ST3GAL4: variants seen among roughly 807,000 people sequenced by gnomAD.
The protein encoded by ST3GAL4 is CMP-N-acetylneuraminate-beta-galactosamide-alpha-2,3-sialyltransferase 4.
ST3GAL4 carries 24 observed loss-of-function variants against 42.6 expected under a neutral mutation model. That is an observed-to-expected ratio of 0.56 (90% confidence interval 0.41 to 0.79). The LOEUF (loss-of-function observed/expected upper bound fraction) is 0.79. Ranked by LOEUF, ST3GAL4 falls within the 30% of genes least tolerant of loss-of-function variation. The pLI, the probability that ST3GAL4 is intolerant of heterozygous loss-of-function variation, is 0.00. For synonymous variants in ST3GAL4, 135 were observed against 163.2 expected, an observed-to-expected ratio of 0.83 and a Z score of 1.32; for missense variants, 311 against 430.8, an observed-to-expected ratio of 0.72 and a Z score of 2.46.
chr11:126,405,979 G>A (rs893593585), intron 1 of ST3GAL4, 117 bp from the exon 2 acceptor site: 73 of 1,240,562 alleles, frequency 5.9e-5, no homozygotes, highest in African/African-American at 8.9e-5. Context: ...TTGCCCCAGG[G>A]AGCAGCTTCC....
In ST3GAL4 at chr11:126,409,450, G is replaced by C; in HGVS notation, c.771+39G>C. The C allele has an allele frequency of 6.2e-7, 1 of 1,613,798 alleles. No individual in the cohort carries two copies. Among genetic ancestry groups the C allele is most frequent in the Non-Finnish European group, 8.5e-7 (1 of 1,179,756 alleles). On this transcript the variant is annotated intron_variant, in intron 9 of 10. Coordinates refer to ENST00000444328, the MANE Select transcript of ST3GAL4 (RefSeq NM_001254757.2). This position sits in a 1 kb window ranked among gnomAD's most constrained non-coding sequence, Gnocchi z 4.9. ...GTCAGGCCTGAGGGCTAGGATCCTGGGCGGGAAGTAGGAGGGATGATCCTA... is the reference window on the plus strand; with the variant it reads ...GTCAGGCCTGAGGGCTAGGATCCTGCGCGGGAAGTAGGAGGGATGATCCTA...
chr11:126,381,140 C>T (rs1453254833), intron 1 of ST3GAL4, among the ~76,000 whole-genome samples: 1 of 152,210 alleles, frequency 6.6e-6, no homozygotes, highest in African/African-American at 2.4e-5. Context: ...GAGACCCTAG[C>T]TTTGCACTGT....
In ST3GAL4 at chr11:126,362,453, G is replaced by A. The variant is rs149514231; in HGVS notation, c.-61+6611G>A. Among the ~76,000 whole-genome samples the A allele has an allele frequency of 1.6e-3, 251 of 152,140 alleles. 2 individuals carry two copies. Among genetic ancestry groups the A allele is most frequent in the African/African-American group, 5.7e-3 (237 of 41,486 alleles). ...TGACCTCAAATGATCCACCTGCCTC[G>A]GCCTCCCAAAGTGTTGGGATTATAG... On this transcript the variant is annotated intron_variant, in intron 1 of 10. Transcript: ENST00000444328.
chr11:126,387,843 T>G (rs1953289658), intron 1 of ST3GAL4, among the ~76,000 whole-genome samples: 1 of 152,230 alleles, frequency 6.6e-6, no homozygotes, highest in Non-Finnish European at 1.5e-5. Flanking sequence ...TGGGTATGCA[T>G]GTAACTGTTT....
In ST3GAL4 at chr11:126,410,595, T is replaced by C. The variant is rs547225619; in HGVS notation, c.771+1184T>C. ...AGACCGGTACACAGGGCCTGCCCTT[T>C]AAATATTTGCCAGATTTTGAATAAA... On this transcript the variant is annotated intron_variant, in intron 9 of 10. Coordinates refer to ENST00000444328, the MANE Select transcript of ST3GAL4 (RefSeq NM_001254757.2). The surrounding 1 kb of genome is among the most constrained non-coding windows in gnomAD (Gnocchi z 5.3). 6.6e-5 allele frequency among the ~76,000 whole-genome samples: 10 copies of C among 152,360 alleles called. No homozygotes were observed. Among genetic ancestry groups the C allele is most frequent in the Non-Finnish European group, 1.2e-4 (8 of 68,040 alleles).
At chr11:126,385,158 C>CT (rs1160831055) in intron 1 of ST3GAL4, among the ~76,000 whole-genome samples, 3 of 149,638 alleles carry the variant, frequency 2.0e-5, no homozygotes, top group Non-Finnish European at 4.5e-5. Context: ...TGGTCAGTTT[C>CT]TTTCTTTTTT....
intron 1 of ST3GAL4, among the ~76,000 whole-genome samples, chr11:126,367,367 G>A (rs1049968679): frequency 3.3e-5 from 5 of 152,222 alleles, no homozygotes; most frequent in Non-Finnish European, 2.9e-5. Context: ...CTCCCTGGCC[G>A]TGGCAGGTCC....
At chr11:126,368,051 G>C (rs1469002724) in intron 1 of ST3GAL4, among the ~76,000 whole-genome samples, 2 of 151,700 alleles carry the variant, frequency 1.3e-5, no homozygotes, top group African/African-American at 2.4e-5. Context: ...GGGAGGCTGA[G>C]CAGGAGAATC....
chr11:126,357,292 G>A lies in ST3GAL4; in HGVS notation c.-61+1450G>A, dbSNP rs577866948. ...GGGCCCTGGGCTCTGTCAAGACATG[G>A]GGAGCTTGCCAGGAGTTGGGGCCAG... On this transcript the variant is annotated intron_variant, in intron 1 of 10. Coordinates refer to ENST00000444328, the MANE Select transcript of ST3GAL4 (RefSeq NM_001254757.2). 8.8e-4 allele frequency among the ~76,000 whole-genome samples: 134 copies of A among 152,338 alleles called. 1 individual carries two copies. Among genetic ancestry groups the A allele is most frequent in the Non-Finnish European group, 1.7e-3 (114 of 68,042 alleles).
chr11:126,392,853 G>A lies in ST3GAL4; in HGVS notation c.-60-13243G>A, dbSNP rs1953569038. ...CTGGGTGGTCTGAACCCCATGCAGG[G>A]AGGAAACTGTGGCTGGGAGGAGAGG... On this transcript the variant is annotated intron_variant, in intron 1 of 10. Coordinates refer to ENST00000444328, the MANE Select transcript of ST3GAL4 (RefSeq NM_001254757.2). The surrounding 1 kb of genome is among the most constrained non-coding windows in gnomAD (Gnocchi z 5.8). Among the ~76,000 whole-genome samples, 1 of 152,156 alleles carries A rather than the reference G, an allele frequency of 6.6e-6. No homozygotes were observed. The highest frequency in any genetic ancestry group is 1.5e-5 in the Non-Finnish European group (1 of 68,026).
intron 1 of ST3GAL4, among the ~76,000 whole-genome samples, chr11:126,362,081 C>T (rs148193287): frequency 0.015 from 2,285 of 151,816 alleles, 53 homozygotes; most frequent in African/African-American, 0.049. Flanking sequence ...GGGGTTTCAC[C>T]GTGTTGGCCA....
In ST3GAL4 at chr11:126,361,178, G is replaced by A. The variant is rs76623996; in HGVS notation, c.-61+5336G>A. On this transcript the variant is annotated intron_variant, in intron 1 of 10. Transcript: ENST00000444328. ...CTATGTCAGTCCTCTCCTTATTTGA[G>A]GCCCAAGAAAGGTACCCCTACGGTG... Among the ~76,000 whole-genome samples, 11 of 152,258 alleles carry A rather than the reference G, an allele frequency of 7.2e-5. No individual in the cohort carries two copies. In the East Asian group the frequency reaches 1.9e-3, roughly 27 times the overall value.
intron 1 of ST3GAL4, among the ~76,000 whole-genome samples, chr11:126,368,908 G>A (rs973938785): frequency 6.6e-5 from 10 of 152,090 alleles, no homozygotes; most frequent in Admixed American, 3.3e-4. Flanking sequence ...AATTAGGAAC[G>A]GTAACACACA....
intron 5 of ST3GAL4, 74 bp from the exon 6 acceptor site, chr11:126,407,500 G>C: frequency 6.3e-7 from 1 of 1,588,542 alleles, no homozygotes; most frequent in Non-Finnish European, 8.6e-7. Flanking sequence ...GCTCTGAGGA[G>C]CAGTGGAGGG....
At chr11:126,407,089 G>A (rs1954270812) in intron 4 of ST3GAL4, 66 bp downstream of exon 4, 2 of 1,535,932 alleles carry the variant, frequency 1.3e-6, no homozygotes, top group East Asian at 2.2e-5. Flanking sequence ...GGGTTTCACA[G>A]TGTGGGGAGT....
At position 126,373,710 on chromosome 11, in the gene ST3GAL4, G is replaced by A. The variant is rs1335771291; in HGVS notation, c.-61+17868G>A. 6.6e-6 allele frequency among the ~76,000 whole-genome samples: 1 copy of A among 152,090 alleles called. No homozygotes were observed. The highest frequency in any genetic ancestry group is 1.5e-5 in the Non-Finnish European group (1 of 68,022). The stretch of plus-strand genomic sequence containing the variant: ...GCCTGTCTGGCTCCTTTCCCTCAAA[G>A]GTCAGACAGCTTGAGAGATGTTTCC... On this transcript the variant is annotated intron_variant, in intron 1 of 10. Transcript: ENST00000444328. This position sits in a 1 kb window ranked among gnomAD's most constrained non-coding sequence, Gnocchi z 5.5.
chr11:126,402,107 G>A (rs1954030846), intron 1 of ST3GAL4, among the ~76,000 whole-genome samples: 1 of 147,556 alleles, frequency 6.8e-6, no homozygotes, highest in Non-Finnish European at 1.5e-5. Flanking sequence ...GGAGGTAGGA[G>A]AGTCTAGACG....
intron 4 of ST3GAL4, 37 bp downstream of exon 4, chr11:126,407,060 T>C: frequency 6.3e-7 from 1 of 1,591,218 alleles, no homozygotes; most frequent in Non-Finnish European, 8.6e-7. Context: ...GAGCAGGGCA[T>C]GGAGCGAGCT....
In ST3GAL4 at chr11:126,356,940, G is replaced by C. The variant is rs181069544; in HGVS notation, c.-61+1098G>C. On this transcript the variant is annotated intron_variant, in intron 1 of 10. Transcript: ENST00000444328. ...CCACCTCCTCTAGGTCCTGGCCCTGGCATCTGCCAGGGGGATTTTAAATGA... is the reference window on the plus strand; with the variant it reads ...CCACCTCCTCTAGGTCCTGGCCCTGCCATCTGCCAGGGGGATTTTAAATGA... Among the ~76,000 whole-genome samples the C allele has an allele frequency of 3.9e-5, 6 of 152,342 alleles. No homozygotes were observed. In the East Asian group the frequency reaches 1.2e-3, roughly 29 times the overall value.
Sources: allele counts gnomAD v4.1 joint callset (sites outside exome capture counted in the v4.1 genomes callset), GRCh38; gene constraint gnomAD v4.1.1; non-coding constraint Gnocchi (gnomAD v3.1); transcripts MANE v1.5; gene names NCBI Gene and HGNC (gene_info 2026-07-23, HGNC 2026-07-21).